CCDC61: variants seen among roughly 807,000 people sequenced by gnomAD.
The protein encoded by CCDC61 is centrosomal protein CCDC61.
CCDC61 carries 55 observed loss-of-function variants against 63.0 expected under a neutral mutation model. The ratio of observed to expected loss-of-function variants is 0.87; its 90% CI spans 0.70 to 1.09. The LOEUF is 1.09. Among genes scored for constraint, CCDC61 ranks in the 50% least tolerant of loss-of-function variants. CCDC61 has a pLI of 0.00. For synonymous variants in CCDC61, 270 were observed against 317.0 expected (o/e 0.85, Z 1.58); for missense variants, 651 against 731.4 (o/e 0.89, Z 1.27).
rs749850932 is a variant in CCDC61, at chr19:46,016,737, G to T, written c.1135G>T (p.Gly379Cys). The T allele has an allele frequency of 2.5e-6, 4 of 1,607,356 alleles. No homozygotes were observed. Among genetic ancestry groups the T allele is most frequent in the East Asian group, 2.2e-5 (1 of 44,652 alleles). ...NRLGSGGSGD[G>C]PSVSWSRQTQ... ...CTTAGGCAGTGGGGGAAGCGGGGAC[G>T]GTCCGTCCGTCTCCTGGTCTCGCCA... Residue 379 changes from glycine to cysteine, a missense_variant, in exon 10 of 14, where the codon GGT becomes TGT. Physicochemically the swap from Gly to Cys is radical, Grantham distance 159. Transcript: ENST00000595358. This position sits in a 1 kb window ranked among gnomAD's most constrained non-coding sequence, Gnocchi z 7.2.
At position 46,015,013 on chromosome 19, in the gene CCDC61, CCTCT is replaced by C; in HGVS notation, c.552-30_552-27del. On this transcript the variant is annotated intron_variant, in intron 5 of 13. Transcript: ENST00000595358. This position sits in a 1 kb window ranked among gnomAD's most constrained non-coding sequence, Gnocchi z 5.3. ...ATGGAGTAGTGGGAATGGGGCCATG[CCTCT>C]CTCTCCAGCGCTCTCTCCGCGTCTT... is the stretch of plus-strand genomic sequence containing the variant. 1 of 1,473,756 alleles carries C rather than the reference CCTCT, an allele frequency of 6.8e-7. No homozygotes were observed. 91.3% of individuals were successfully genotyped at this position (1,473,756 alleles called of 1,614,324 possible). A position where few individuals can be genotyped will look rare whatever the true frequency, so the allele number is the denominator to read the frequency against.
At chr19:46,009,094 G>A (rs1156515000) in intron 5 of CCDC61, among the ~76,000 whole-genome samples, 1 of 152,192 alleles carries the variant, frequency 6.6e-6, no homozygotes, top group Non-Finnish European at 1.5e-5. Context: ...AGCCTGTGCT[G>A]TGGGAGGCTG....
chr19:46,003,341 G>T (rs1482534988), intron 2 of CCDC61, 78 bp from the exon 3 acceptor site: 26 of 1,478,042 alleles, frequency 1.8e-5, no homozygotes, highest in Non-Finnish European at 2.3e-5. Context: ...GAGTCGGGTA[G>T]AATTGCAGAG....
At chr19:46,017,175 C>T in intron 11 of CCDC61, 72 bp from the exon 12 acceptor site, 1 of 1,539,454 alleles carries the variant, frequency 6.5e-7, no homozygotes, top group South Asian at 1.2e-5. Context: ...GGCCTTGAAA[C>T]CACAAAGGTC....
chr19:46,015,437 A>T lies in CCDC61; in HGVS notation c.845+10A>T, dbSNP rs1402786952. The T allele has an allele frequency of 6.6e-7, 1 of 1,524,020 alleles. No individual in the cohort carries two copies. The highest frequency in any genetic ancestry group is 1.8e-5 in the Admixed American group (1 of 56,748). The allele number at this position is 1,524,020 out of a possible 1,614,324, so 94.4% of individuals were successfully genotyped here. A position where few individuals can be genotyped will look rare whatever the true frequency, so the allele number is the denominator to read the frequency against. On this transcript the variant is annotated intron_variant, in intron 7 of 13. Coordinates refer to ENST00000595358, the MANE Select transcript of CCDC61 (RefSeq NM_001267723.2). The surrounding 1 kb of genome is among the most constrained non-coding windows in gnomAD (Gnocchi z 5.3). ...CATTGTACAAGAGGGGGTGAGAGCG[A>T]GGCCTGCCAGGCGCCTGGGCGGATG... is the stretch of plus-strand genomic sequence containing the variant.
At chr19:46,004,781 G>C (rs2146462621) in intron 3 of CCDC61, among the ~76,000 whole-genome samples, 1 of 151,772 alleles carries the variant, frequency 6.6e-6, no homozygotes, top group African/African-American at 2.4e-5. Flanking sequence ...TAATAATCAG[G>C]GGGAAGAAGC....
chr19:46,011,060 CTTTTT>C (rs762176005), intron 5 of CCDC61, among the ~76,000 whole-genome samples: 1 of 125,782 alleles, frequency 8.0e-6, no homozygotes, highest in Non-Finnish European at 1.8e-5. Context: ...TTCTTTCTTT[CTTTTT>C]TTTTTTTTCA....
At position 46,018,137 on chromosome 19, in the gene CCDC61, G is replaced by A; in HGVS notation, c.1428G>A (p.Trp476Ter). Reference protein sequence around the residue: ...HQKSLANSGGWVPIKEYSSEH... With the variant: ...HQKSLANSGG ...AATCTCTGGCCAACTCCGGGGGCTG[G>A]GTCCCCATCAAAGGTGAGCCTGGGA... The change falls in exon 13 of 14, where the codon TGG (tryptophan) becomes TGA (stop). Residue 476 changes from tryptophan to a stop codon, truncating the protein, a stop_gained. Transcript: ENST00000595358. LOFTEE classifies it high-confidence loss of function. This position sits in a 1 kb window ranked among gnomAD's most constrained non-coding sequence, Gnocchi z 4.2. The A allele has an allele frequency of 6.2e-7, 1 of 1,607,654 alleles. No homozygotes were observed. The highest frequency in any genetic ancestry group is 8.5e-7 in the Non-Finnish European group (1 of 1,177,328).
At chr19:46,011,863 C>T (rs1202567205) in intron 5 of CCDC61, among the ~76,000 whole-genome samples, 5 of 152,130 alleles carry the variant, frequency 3.3e-5, no homozygotes, top group Admixed American at 2.6e-4. Context: ...AGTGCAATGG[C>T]GTGATCTCTG....
At chr19:45,998,002 G>A (rs1469133850) in intron 1 of CCDC61, among the ~76,000 whole-genome samples, 2 of 152,200 alleles carry the variant, frequency 1.3e-5, no homozygotes, top group Non-Finnish European at 2.9e-5. Flanking sequence ...ATCAATTACT[G>A]TTGGTTTATA....
chr19:46,007,053 CTT>C (rs35425844), intron 4 of CCDC61, among the ~76,000 whole-genome samples: 51 of 139,098 alleles, frequency 3.7e-4, no homozygotes, highest in Non-Finnish European at 2.5e-4. Flanking sequence ...AATGTGTTGG[CTT>C]TTTTTTTTTT....
Position 46,016,719 on chromosome 19 carries a change from A to G in CCDC61, c.1117A>G (p.Ser373Gly). The change falls in exon 10 of 14, where the codon AGT becomes GGT. Residue 373 changes from serine (S) to glycine (G), a missense_variant. Physicochemically the swap from Ser to Gly is moderately conservative, Grantham distance 56. Transcript: ENST00000595358. This position sits in a 1 kb window ranked among gnomAD's most constrained non-coding sequence, Gnocchi z 7.2. ...GCAGCAGCAGCGGAACCGCTTAGGC[A>G]GTGGGGGAAGCGGGGACGGTCCGTC... ...MKQQQRNRLGSGGSGDGPSVS... is the reference protein window; with the variant it reads ...MKQQQRNRLGGGGSGDGPSVS... 6.2e-7 allele frequency: 1 copy of G among 1,611,258 alleles called. No homozygotes were observed. The highest frequency in any genetic ancestry group is 8.5e-7 in the Non-Finnish European group (1 of 1,179,094).
chr19:45,997,579 C>T (rs1315840187), intron 1 of CCDC61, among the ~76,000 whole-genome samples: 5 of 151,846 alleles, frequency 3.3e-5, no homozygotes, highest in East Asian at 1.9e-4. Context: ...TTAGTAGAGA[C>T]GGGGTTTTGC....
chr19:46,014,981 C>A, intron 5 of CCDC61, 68 bp from the exon 6 acceptor site: 1 of 1,349,280 alleles, frequency 7.4e-7, no homozygotes, highest in Non-Finnish European at 9.9e-7. Flanking sequence ...TGAGGCGTCC[C>A]ACCCCCATGG....
intron 1 of CCDC61, among the ~76,000 whole-genome samples, chr19:45,997,437 C>T (rs541176235): frequency 6.6e-6 from 1 of 152,308 alleles, no homozygotes; most frequent in South Asian, 2.1e-4. Flanking sequence ...GTCACCCAGG[C>T]TGGAGTGCAG....
chr19:46,006,824 C>A, intron 4 of CCDC61, 108 bp downstream of exon 4: 1 of 1,065,376 alleles, frequency 9.4e-7, no homozygotes, highest in South Asian at 1.7e-5. Flanking sequence ...ATTGGTTAAG[C>A]CTTGCCTTGG....
chr19:46,010,501 G>T (rs1340010445), intron 5 of CCDC61, among the ~76,000 whole-genome samples: 3 of 152,164 alleles, frequency 2.0e-5, no homozygotes, highest in Non-Finnish European at 4.4e-5. Context: ...AGTCGTTCTT[G>T]CCAGGAGAAG....
At chr19:45,999,408 C>A (rs1036967077) in intron 1 of CCDC61, among the ~76,000 whole-genome samples, 1 of 151,942 alleles carries the variant, frequency 6.6e-6, no homozygotes, top group Non-Finnish European at 1.5e-5. Flanking sequence ...TCATCCAGGC[C>A]AGGCCACGCG....
chr19:46,014,135 T>A (rs527629465), intron 5 of CCDC61, among the ~76,000 whole-genome samples: 3 of 152,218 alleles, frequency 2.0e-5, no homozygotes, highest in African/African-American at 4.8e-5. Context: ...TTACATTTTT[T>A]AAAAAATTAT....
Sources: allele counts gnomAD v4.1 joint callset (sites outside exome capture counted in the v4.1 genomes callset), GRCh38; gene constraint gnomAD v4.1.1; non-coding constraint Gnocchi (gnomAD v3.1); transcripts MANE v1.5; gene names NCBI Gene and HGNC (gene_info 2026-07-23, HGNC 2026-07-21).